The following NARF variants were observed in gnomAD, a reference collection of about 807,000 sequenced individuals.
The protein encoded by NARF is iron-only hydrogenase-like protein 2.
A neutral mutation model predicts 48.0 loss-of-function variants in NARF; 41 were observed. That is an observed-to-expected ratio of 0.85 (90% confidence interval 0.66 to 1.11). The LOEUF is 1.11. Ranked by LOEUF, NARF falls within the 50% of genes least tolerant of loss-of-function variation. NARF has a pLI of 0.00. For synonymous variants in NARF, 215 were observed against 225.5 expected, an observed-to-expected ratio of 0.95 and a Z score of 0.42; for missense variants, 613 against 590.2, an observed-to-expected ratio of 1.04 and a Z score of -0.40.
At chr17:82,485,187 C>T (rs12103888) in intron 9 of NARF, among the ~76,000 whole-genome samples, 5,635 of 152,172 alleles carry the variant, frequency 0.037, 132 homozygotes, top group South Asian at 0.073. Flanking sequence ...TCTGGGAGGC[C>T]GAGGCGGGCG....
chr17:82,471,956 G>A (rs2043720835), intron 4 of NARF, among the ~76,000 whole-genome samples: 1 of 152,070 alleles, frequency 6.6e-6, no homozygotes, highest in South Asian at 2.1e-4. Flanking sequence ...ATGGAGTAAG[G>A]TGTTTTAAAA....
intron 6 of NARF, chr17:82,480,309 A>ACACACACT (rs556527973): frequency 2.6e-4 from 105 of 398,686 alleles, no homozygotes; most frequent in African/African-American, 2.0e-3. Flanking sequence ...ACACACACAC[A>ACACACACT]CACTCACTCA....
intron 7 of NARF, chr17:82,483,467 C>A: frequency 2.1e-6 from 1 of 473,064 alleles, no homozygotes; most frequent in South Asian, 2.3e-5. Flanking sequence ...AGATTGTTTA[C>A]ATAAATCCCA....
upstream of NARF, chr17:82,458,523 C>A (rs28365945): frequency 2.6e-6 from 1 of 391,994 alleles, no homozygotes; most frequent in Non-Finnish European, 4.5e-6. Flanking sequence ...GTGGAGTGAG[C>A]CTGCGGTCCG....
At chr17:82,475,529 C>T (rs886399880) in intron 5 of NARF, among the ~76,000 whole-genome samples, 2 of 152,090 alleles carry the variant, frequency 1.3e-5, no homozygotes, top group Admixed American at 6.6e-5. Context: ...CCCAGGAGGT[C>T]GAGGCTGCAG....
intron 7 of NARF, chr17:82,482,580 A>C (rs540293381): frequency 6.5e-6 from 1 of 153,214 alleles, no homozygotes; most frequent in African/African-American, 2.4e-5. Flanking sequence ...CAGTTTTTCT[A>C]TTAAGGGTTT....
intron 3 of NARF, among the ~76,000 whole-genome samples, chr17:82,465,190 C>T (rs187257265): frequency 6.6e-6 from 1 of 152,174 alleles, no homozygotes; most frequent in African/African-American, 2.4e-5. Context: ...TGAGGACTCA[C>T]TCACTATCAT....
intron 3 of NARF, among the ~76,000 whole-genome samples, chr17:82,467,167 C>A (rs981694261): frequency 6.6e-6 from 1 of 151,996 alleles, no homozygotes; most frequent in Non-Finnish European, 1.5e-5. Context: ...CTGCCTCAGC[C>A]CCCTGAGTAT....
rs1267859847 is a variant in NARF at position 82,459,207 on chromosome 17, C to T, written c.27+377C>T. The T allele has an allele frequency of 2.9e-6, 3 of 1,035,124 alleles. No individual in the cohort carries two copies. In the Admixed American group the frequency reaches 1.7e-4, roughly 59 times the overall value. 64.1% of individuals were successfully genotyped at this position (1,035,124 alleles called of 1,614,324 possible). A position where few individuals can be genotyped will look rare whatever the true frequency, so the allele number is the denominator to read the frequency against. ...TCGAACCTGCCCCTCTGAGGGTCAC[C>T]GAGCAGCCGGTGCAGGGGCGGAAGC... On this transcript the variant is annotated intron_variant, in intron 1 of 10. Coordinates refer to ENST00000309794, the MANE Select transcript of NARF (RefSeq NM_012336.4).
chr17:82,485,516 G>T lies in NARF; in HGVS notation c.991G>T (p.Val331Phe). The change falls in exon 10 of 11, where the codon GTC (valine) becomes TTC (phenylalanine). Residue 331 changes from valine to phenylalanine, a missense_variant. Physicochemically the swap from Val to Phe is conservative, Grantham distance 50. Transcript: ENST00000309794. ...RALRNKDFQEVTLEKNGEVVL... is the reference protein window; with the variant it reads ...RALRNKDFQEFTLEKNGEVVL... Reference sequence around the variant, plus strand: ...TTGTAGAAACAAAGACTTCCAAGAGGTCACCCTTGAGAAGAACGGAGAGGT... The same window carrying T: ...TTGTAGAAACAAAGACTTCCAAGAGTTCACCCTTGAGAAGAACGGAGAGGT... 1 of 1,614,228 alleles carries T rather than the reference G, an allele frequency of 6.2e-7. No individual in the cohort carries two copies. Among genetic ancestry groups the T allele is most frequent in the Non-Finnish European group, 8.5e-7 (1 of 1,180,032 alleles).
chr17:82,459,848 G>T, intron 1 of NARF, 144 bp from the exon 2 acceptor site: 1 of 624,586 alleles, frequency 1.6e-6, no homozygotes, highest in South Asian at 2.1e-5. Flanking sequence ...CAGCCTGGGT[G>T]AGAGCGAGAC....
intron 8 of NARF, 139 bp downstream of exon 8, chr17:82,483,918 C>A (rs2044034146): frequency 5.6e-6 from 4 of 711,016 alleles, no homozygotes; most frequent in African/African-American, 3.6e-5. Context: ...CAGGCCCCTG[C>A]CACAACCCTC....
In NARF at chr17:82,483,571, C is replaced by G. The variant is rs116726838; in HGVS notation, c.770-145C>G. 135 of 673,810 alleles carry G rather than the reference C, an allele frequency of 2.0e-4. No homozygotes were observed. The African/African-American group carries it at 2.1e-3, about 11-fold the overall frequency. The allele number at this position is 673,810 out of a possible 1,614,324, so 41.7% of individuals were successfully genotyped here. On this transcript the variant is annotated intron_variant, in intron 7 of 10. Transcript: ENST00000309794. Reference sequence around the variant, plus strand: ...TTTCATTTTATTGGCCTCACTTTGCCCTTTAGATGGACTCCTGCTGTGTGT... The same window carrying G: ...TTTCATTTTATTGGCCTCACTTTGCGCTTTAGATGGACTCCTGCTGTGTGT...
chr17:82,487,917 A>T lies in NARF; in HGVS notation c.1131A>T (p.Gly377=). 6.2e-7 allele frequency: 1 copy of T among 1,614,156 alleles called. No individual in the cohort carries two copies. The highest frequency in any genetic ancestry group is 8.5e-7 in the Non-Finnish European group (1 of 1,180,002). The part of the protein sequence containing the change: ...HFVEVLACAG[G]CLNGRGQAQT... ...AACTTACCTGTGTTTATCTTTCAGG[A>T]TGCTTAAATGGCAGAGGCCAAGCCC... is the stretch of plus-strand genomic sequence containing the variant. The change falls in exon 11 of 11, where the codon GGA becomes GGT. Residue 377 remains glycine (G), a splice_region_variant and synonymous_variant. Transcript: ENST00000309794.
intron 3 of NARF, 78 bp downstream of exon 3, chr17:82,464,508 G>A (rs939620089): frequency 6.6e-7 from 1 of 1,510,064 alleles, no homozygotes; most frequent in Non-Finnish European, 8.9e-7. Flanking sequence ...TTCCTGCACA[G>A]AAGCCTCTGC....
intron 10 of NARF, among the ~76,000 whole-genome samples, chr17:82,486,692 C>T (rs1036259947): frequency 2.0e-5 from 3 of 152,042 alleles, no homozygotes; most frequent in Non-Finnish European, 4.4e-5. Context: ...TGTGTGCAAG[C>T]GGGTGGAGCT....
At chr17:82,485,686 C>T in intron 10 of NARF, 32 bp downstream of exon 10, 2 of 1,611,160 alleles carry the variant, frequency 1.2e-6, no homozygotes, top group South Asian at 1.1e-5. Context: ...CTGGCTCTGT[C>T]TCCCACGGGT....
intron 4 of NARF, among the ~76,000 whole-genome samples, chr17:82,471,574 C>T (rs971814915): frequency 1.3e-5 from 2 of 149,906 alleles, no homozygotes; most frequent in Non-Finnish European, 3.0e-5. Flanking sequence ...GGGCGGATCA[C>T]GAGGTCAGGA....
At position 82,481,684 on chromosome 17, in the gene NARF, C is replaced by T. The variant is rs540351115; in HGVS notation, c.769+473C>T. The T allele has an allele frequency of 4.8e-3, 1,860 of 390,664 alleles. 8 individuals carry two copies. Among genetic ancestry groups the T allele is most frequent in the Non-Finnish European group, 7.0e-3 (1,426 of 203,670 alleles). The allele number at this position is 390,664 out of a possible 1,614,324, so 24.2% of individuals were successfully genotyped here. The stretch of plus-strand genomic sequence containing the variant: ...GGCAGAGGTTGCAGTAAGCCGAGAT[C>T]GCGCCATTACCCTCCAGCCTGGGCA... On this transcript the variant is annotated intron_variant, in intron 7 of 10. Coordinates refer to ENST00000309794, the MANE Select transcript of NARF (RefSeq NM_012336.4).
Sources: gnomAD v4.1 joint callset for allele counts (sites outside exome capture counted in the v4.1 genomes callset) on GRCh38, gnomAD v4.1.1 for gene constraint, MANE v1.5 for transcripts, NCBI Gene and HGNC (gene_info 2026-07-23, HGNC 2026-07-21) for gene names.